The following CFAP299 variants were observed in gnomAD, a reference collection of about 807,000 sequenced individuals.
CFAP299 encodes the protein cilia- and flagella-associated protein 299.
Under a neutral mutation model 27.0 loss-of-function variants are expected in CFAP299, and 21 were observed. That is an observed-to-expected ratio of 0.78 (90% CI 0.55 to 1.12). CFAP299 has a LOEUF of 1.12. Among genes scored for constraint, CFAP299 ranks in the 50% most tolerant of loss-of-function variants. The pLI is 0.00. For synonymous variants in CFAP299, 104 were observed against 98.1 expected, an observed-to-expected ratio of 1.06 and a Z score of -0.36; for missense variants, 310 against 276.6, an observed-to-expected ratio of 1.12 and a Z score of -0.86.
At chr4:80,508,428 G>C (rs72874077) in intron 2 of CFAP299, among the ~76,000 whole-genome samples, 12,038 of 152,148 alleles carry the variant, frequency 0.079, 551 homozygotes, top group Non-Finnish European at 0.094. Flanking sequence ...TCTCTCCAAT[G>C]TATTAAAATA....
intron 2 of CFAP299, among the ~76,000 whole-genome samples, chr4:80,390,711 G>GTATA (rs377169148): frequency 3.4e-5 from 4 of 117,088 alleles, no homozygotes; most frequent in East Asian, 5.1e-4. Context: ...ATGTATATAT[G>GTATA]TATACACACA....
At chr4:80,415,529 T>G (rs992214289) in intron 2 of CFAP299, among the ~76,000 whole-genome samples, 1 of 152,258 alleles carries the variant, frequency 6.6e-6, no homozygotes, top group Admixed American at 6.5e-5. Context: ...TAACTGGTAG[T>G]TTATATAATT....
intron 1 of CFAP299, among the ~76,000 whole-genome samples, chr4:80,353,982 A>G (rs1219844358): frequency 1.3e-5 from 2 of 152,234 alleles, no homozygotes; most frequent in Non-Finnish European, 2.9e-5. Context: ...AGTAAGAACT[A>G]TTAAGAGTTT....
At position 80,362,787 on chromosome 4, in the gene CFAP299, G is replaced by A; in HGVS notation, c.145G>A (p.Gly49Ser). 6.2e-7 allele frequency: 1 copy of A among 1,612,396 alleles called. No individual in the cohort carries two copies. The change falls in exon 2 of 6, where the codon GGC becomes AGC. Residue 49 changes from glycine (G) to serine (S), a missense_variant. Gly to Ser is a moderately conservative substitution (Grantham distance 56). Coordinates refer to ENST00000358105, the MANE Select transcript of CFAP299 (RefSeq NM_152770.3). ...CCTGGCCCGCCAGTTGGTGGAGCTA[G>A]GCTACCGAGGGACTGGAGAGAGAGT... is the stretch of plus-strand genomic sequence containing the variant. ...ETLARQLVELGYRGTGERVKR... is the reference protein window; with the variant it reads ...ETLARQLVELSYRGTGERVKR...
chr4:80,437,564 G>A lies in CFAP299; in HGVS notation c.242+74680G>A, dbSNP rs188133365. On this transcript the variant is annotated intron_variant, in intron 2 of 5. Transcript: ENST00000358105. ...GAAGAGGGATCCTGAGAGATGGAAAGCCCAAAATTTTAATAAAGGGCAGTA... is the reference window on the plus strand; with the variant it reads ...GAAGAGGGATCCTGAGAGATGGAAAACCCAAAATTTTAATAAAGGGCAGTA... Among the ~76,000 whole-genome samples the A allele has an allele frequency of 2.0e-5, 3 of 152,284 alleles. No homozygotes were observed. In the East Asian group the frequency reaches 5.8e-4, roughly 29 times the overall value.
At chr4:80,740,928 C>G (rs951580540) in intron 3 of CFAP299, among the ~76,000 whole-genome samples, 17 of 152,110 alleles carry the variant, frequency 1.1e-4, no homozygotes, top group South Asian at 2.1e-4. Flanking sequence ...TGGGACCCAC[C>G]CTTCAGGGCT....
intron 3 of CFAP299, among the ~76,000 whole-genome samples, chr4:80,855,933 G>C (rs2110152696): frequency 6.6e-6 from 1 of 151,910 alleles, no homozygotes; most frequent in Admixed American, 6.6e-5. Context: ...GTAATGGGAT[G>C]GCTGGGTCAA....
intron 4 of CFAP299, among the ~76,000 whole-genome samples, chr4:80,941,514 C>T (rs1737193290): frequency 6.6e-6 from 1 of 152,084 alleles, no homozygotes. Flanking sequence ...CATAGGAAAC[C>T]ACTAAATAGA....
intron 3 of CFAP299, among the ~76,000 whole-genome samples, chr4:80,638,238 T>C (rs1046726046): frequency 2.0e-5 from 3 of 152,158 alleles, no homozygotes; most frequent in Non-Finnish European, 4.4e-5. Context: ...ATCCCCCTAC[T>C]TGGAGAACTT....
chr4:80,577,505 C>T (rs541004194), intron 2 of CFAP299, among the ~76,000 whole-genome samples: 3 of 137,528 alleles, frequency 2.2e-5, no homozygotes, highest in South Asian at 2.3e-4. Flanking sequence ...CAGGTTCAAG[C>T]GATTCTCCTG....
At chr4:80,893,690 ATC>A (rs1359298868) in intron 4 of CFAP299, among the ~76,000 whole-genome samples, 2 of 151,424 alleles carry the variant, frequency 1.3e-5, no homozygotes, top group Non-Finnish European at 2.9e-5. Context: ...TTGGACCCTT[ATC>A]TTGCAATGTA....
intron 2 of CFAP299, among the ~76,000 whole-genome samples, chr4:80,516,772 G>C (rs971111770): frequency 6.6e-6 from 1 of 152,116 alleles, no homozygotes; most frequent in Admixed American, 6.5e-5. Context: ...CCTCAAGAAA[G>C]TAGTTGCCAT....
At chr4:80,952,563 G>A (rs560213565) in intron 5 of CFAP299, among the ~76,000 whole-genome samples, 16 of 152,232 alleles carry the variant, frequency 1.1e-4, no homozygotes, top group African/African-American at 2.2e-4. Flanking sequence ...AAATAAATGC[G>A]TAGTCACTGT....
At chr4:80,926,562 C>A (rs1345344605) in intron 4 of CFAP299, among the ~76,000 whole-genome samples, 1 of 151,922 alleles carries the variant, frequency 6.6e-6, no homozygotes, top group Non-Finnish European at 1.5e-5. Context: ...AGACAAGATG[C>A]ATGGAGAAGG....
intron 5 of CFAP299, among the ~76,000 whole-genome samples, chr4:80,962,750 A>G (rs1356848685): frequency 2.0e-5 from 3 of 151,950 alleles, no homozygotes; most frequent in African/African-American, 4.8e-5. Flanking sequence ...TAGAAGAGAG[A>G]GCAAATAATA....
chr4:80,881,218 G>T (rs772515882), intron 4 of CFAP299, among the ~76,000 whole-genome samples: 2 of 152,218 alleles, frequency 1.3e-5, no homozygotes, highest in African/African-American at 2.4e-5. Flanking sequence ...CAGTTCCAAG[G>T]AAAGGGGAGG....
rs970644774 is a variant in CFAP299, at chr4:80,447,826, G to A, written c.242+84942G>A. Among the ~76,000 whole-genome samples, 9 of 152,004 alleles carry A rather than the reference G, an allele frequency of 5.9e-5. No homozygotes were observed. In the South Asian group the frequency reaches 6.2e-4, roughly 11 times the overall value. ...ATCCTCCCACCCCATCCCCATCCCC[G>A]CTTTTCTAGTCAGTTTTCTATACTC... On this transcript the variant is annotated intron_variant, in intron 2 of 5. Coordinates refer to ENST00000358105, the MANE Select transcript of CFAP299 (RefSeq NM_152770.3).
At chr4:80,521,792 CT>C (rs796445235) in intron 2 of CFAP299, among the ~76,000 whole-genome samples, 9,321 of 144,900 alleles carry the variant, frequency 0.064, 810 homozygotes, top group African/African-American at 0.19. Context: ...ACAGGATTCC[CT>C]TTTTTTTTTT....
rs551104535 is a variant in CFAP299, at chr4:80,630,525, G to A, written c.333+47342G>A. On this transcript the variant is annotated intron_variant, in intron 3 of 5. Coordinates refer to ENST00000358105, the MANE Select transcript of CFAP299 (RefSeq NM_152770.3). ...GTGTTTTTTTAATAAATTATAAAAT[G>A]TTGATTTTATGAAACATTATGTTTT... is the stretch of plus-strand genomic sequence containing the variant. Among the ~76,000 whole-genome samples, 3 of 152,078 alleles carry A rather than the reference G, an allele frequency of 2.0e-5. No homozygotes were observed. The South Asian group carries it at 6.2e-4, about 32-fold the overall frequency.
Sources: gnomAD v4.1 joint callset for allele counts (sites outside exome capture counted in the v4.1 genomes callset) on GRCh38, gnomAD v4.1.1 for gene constraint, MANE v1.5 for transcripts, NCBI Gene and HGNC (gene_info 2026-07-23, HGNC 2026-07-21) for gene names.